VPS16: variants seen among roughly 807,000 people sequenced by gnomAD.
VPS16 encodes the protein VPS16 core subunit of CORVET and HOPS complexes.
Under a neutral mutation model 116.0 loss-of-function variants are expected in VPS16, and 82 were observed. The ratio of observed to expected loss-of-function variants is 0.71; its 90% CI spans 0.59 to 0.85. The LOEUF is 0.85. Ranked by LOEUF, VPS16 falls within the 40% of genes least tolerant of loss-of-function variation. The pLI, the probability that VPS16 is intolerant of heterozygous loss-of-function variation, is 0.00. For synonymous variants in VPS16, 406 were observed against 420.7 expected (o/e 0.96, Z 0.43); for missense variants, 928 against 1,090.6 (o/e 0.85, Z 2.10).
rs182278736 is a variant in VPS16, at chr20:2,866,078, G to A, written c.2272-134G>A. The stretch of plus-strand genomic sequence containing the variant: ...CAACTGTCTGTGCATGGGGGTTGGG[G>A]GATTATATGTACTGACGGGTGTATA... On this transcript the variant is annotated intron_variant, in intron 22 of 23. Transcript: ENST00000380445. The A allele has an allele frequency of 6.1e-5, 46 of 756,244 alleles. No homozygotes were observed. In the East Asian group the frequency reaches 1.2e-3, roughly 20 times the overall value. 46.8% of individuals were successfully genotyped at this position (756,244 alleles called of 1,614,324 possible).
Position 2,864,829 on chromosome 20 carries a change from C to T in VPS16, c.1927-149C>T. 2 of 1,180,418 alleles carry T rather than the reference C, an allele frequency of 1.7e-6. No individual in the cohort carries two copies. Among genetic ancestry groups the T allele is most frequent in the South Asian group, 1.3e-5 (1 of 74,256 alleles). The allele number at this position is 1,180,418 out of a possible 1,614,324, so 73.1% of individuals were successfully genotyped here. ...GGTTAGTGTCAGAGGAGCTAGCCAT[C>T]CCTCTAGGACATCAGAGTGGTGCAC... On this transcript the variant is annotated intron_variant, in intron 19 of 23. Coordinates refer to ENST00000380445, the MANE Select transcript of VPS16 (RefSeq NM_022575.4). This position sits in a 1 kb window ranked among gnomAD's most constrained non-coding sequence, Gnocchi z 5.2.
At chr20:2,853,763 C>T (rs868028967) in intron 1 of VPS16, among the ~76,000 whole-genome samples, 4 of 152,070 alleles carry the variant, frequency 2.6e-5, no homozygotes, top group African/African-American at 9.7e-5. Flanking sequence ...ACCTCCGTCT[C>T]CCGGGTTCAA....
At position 2,861,944 on chromosome 20, in the gene VPS16, C is replaced by T. The variant is rs1404145507; in HGVS notation, c.994+45C>T. 3 of 1,607,422 alleles carry T rather than the reference C, an allele frequency of 1.9e-6. No individual in the cohort carries two copies. In the Admixed American group the frequency reaches 5.1e-5, roughly 27 times the overall value. Reference sequence around the variant, plus strand: ...ACCACATAACCCAAGGTGGGGACTCCTCGGCACCCCAGCTGCCCTGGGCCA... The same window carrying T: ...ACCACATAACCCAAGGTGGGGACTCTTCGGCACCCCAGCTGCCCTGGGCCA... On this transcript the variant is annotated intron_variant, in intron 10 of 23. Transcript: ENST00000380445.
rs150363426 is a variant in VPS16 at position 2,854,238 on chromosome 20, T to TACACACACACACACACACACACACACAC, written c.54-5454_54-5453insCACACACACACACACACACACACACACA. ...AGCCTGGCAACAGAGACCCCGTCTC[T>TACACACACACACACACACACACACACAC]ACACACACACACACACACACACACA... On this transcript the variant is annotated intron_variant, in intron 1 of 23. Coordinates refer to ENST00000380445, the MANE Select transcript of VPS16 (RefSeq NM_022575.4). 2.4e-3 allele frequency among the ~76,000 whole-genome samples: 330 copies of TACACACACACACACACACACACACACAC among 139,878 alleles called. 1 individual carries two copies. Among genetic ancestry groups the TACACACACACACACACACACACACACAC allele is most frequent in the African/African-American group, 4.5e-3 (157 of 35,268 alleles). 91.8% of individuals were successfully genotyped at this position (139,878 alleles called of 152,430 possible). A position where few individuals can be genotyped will look rare whatever the true frequency, so the allele number is the denominator to read the frequency against.
chr20:2,842,492 A>G (rs2088988629), intron 1 of VPS16, among the ~76,000 whole-genome samples: 1 of 151,704 alleles, frequency 6.6e-6, no homozygotes, highest in Non-Finnish European at 1.5e-5. Context: ...TTGTAATCCC[A>G]GCTACTTGGG....
Position 2,864,605 on chromosome 20 carries a change from A to G in VPS16, c.1877A>G (p.His626Arg). ...LKDLYNQDDN[H>R]QELGSFHIRA... ...GACCTTTACAATCAGGATGACAATC[A>G]CCAGGAATTGGGCAGCTTCCACATC... Residue 626 changes from histidine to arginine, a missense_variant, in exon 19 of 24, where the codon CAC becomes CGC. Physicochemically the swap from His to Arg is conservative, Grantham distance 29. Coordinates refer to ENST00000380445, the MANE Select transcript of VPS16 (RefSeq NM_022575.4). This position sits in a 1 kb window ranked among gnomAD's most constrained non-coding sequence, Gnocchi z 5.2. 1 of 1,614,130 alleles carries G rather than the reference A, an allele frequency of 6.2e-7. No individual in the cohort carries two copies. The highest frequency in any genetic ancestry group is 8.5e-7 in the Non-Finnish European group (1 of 1,180,020).
In VPS16 at chr20:2,865,587, A is replaced by G. The variant is rs1455949822; in HGVS notation, c.2271+92A>G. 5.2e-5 allele frequency: 62 copies of G among 1,197,510 alleles called. No homozygotes were observed. The highest frequency in any genetic ancestry group is 7.1e-5 in the Non-Finnish European group (60 of 847,616). The allele number at this position is 1,197,510 out of a possible 1,614,324, so 74.2% of individuals were successfully genotyped here. On this transcript the variant is annotated intron_variant, in intron 22 of 23. Transcript: ENST00000380445. The surrounding 1 kb of genome is among the most constrained non-coding windows in gnomAD (Gnocchi z 5.2). Reference sequence around the variant, plus strand: ...GGGAGACAGATAGGATGGCCCGTTCATGCTCCTGTTCAGCTGCCCGCATAG... The same window carrying G: ...GGGAGACAGATAGGATGGCCCGTTCGTGCTCCTGTTCAGCTGCCCGCATAG...
At position 2,863,810 on chromosome 20, in the gene VPS16, G is replaced by C; in HGVS notation, c.1477-139G>C. On this transcript the variant is annotated intron_variant, in intron 15 of 23. Coordinates refer to ENST00000380445, the MANE Select transcript of VPS16 (RefSeq NM_022575.4). The surrounding 1 kb of genome is among the most constrained non-coding windows in gnomAD (Gnocchi z 4.4). ...GGGCGGAGGAGGAGGGAAAGAGAGA[G>C]AAAGAAGAAAGAGAGAAAGAAAGAA... 4 of 1,214,216 alleles carry C rather than the reference G, an allele frequency of 3.3e-6. No individual in the cohort carries two copies. The highest frequency in any genetic ancestry group is 4.4e-6 in the Non-Finnish European group (4 of 905,554). The allele number at this position is 1,214,216 out of a possible 1,614,324, so 75.2% of individuals were successfully genotyped here.
chr20:2,855,409 G>T (rs1297598354), intron 1 of VPS16, among the ~76,000 whole-genome samples: 1 of 151,974 alleles, frequency 6.6e-6, no homozygotes, highest in East Asian at 1.9e-4. Context: ...AGATAGAGTA[G>T]ATTTAGCATA....
intron 1 of VPS16, among the ~76,000 whole-genome samples, chr20:2,843,103 C>G (rs1043847679): frequency 4.6e-5 from 7 of 152,158 alleles, no homozygotes; most frequent in Non-Finnish European, 1.0e-4. Context: ...AGACCTGTTG[C>G]ATTTGTTGTT....
chr20:2,845,494 TG>T (rs1442063366), intron 1 of VPS16, among the ~76,000 whole-genome samples: 6 of 152,134 alleles, frequency 3.9e-5, no homozygotes, highest in Non-Finnish European at 5.9e-5. Flanking sequence ...TGTTTCATTT[TG>T]TTTTTTTGAT....
chr20:2,852,065 T>C (rs2089128054), intron 1 of VPS16, among the ~76,000 whole-genome samples: 1 of 152,128 alleles, frequency 6.6e-6, no homozygotes, highest in Admixed American at 6.6e-5. Flanking sequence ...CATCTTGGTA[T>C]AGAGAGGAAG....
rs769591659 is a variant in VPS16, at chr20:2,863,115, A to G, written c.1367+15A>G. On this transcript the variant is annotated intron_variant, in intron 14 of 23. Coordinates refer to ENST00000380445, the MANE Select transcript of VPS16 (RefSeq NM_022575.4). The surrounding 1 kb of genome is among the most constrained non-coding windows in gnomAD (Gnocchi z 4.4). ...CTGCTGGACAGGTAGGGTAAGCCCA[A>G]GGGTGCAGTGAGCGGGCTGTCAGGG... The G allele has an allele frequency of 6.6e-5, 106 of 1,613,732 alleles. 2 individuals are homozygous for G. The South Asian group carries it at 1.0e-3, about 15-fold the overall frequency.
chr20:2,863,976 G>A lies in VPS16; in HGVS notation c.1504G>A (p.Asp502Asn), dbSNP rs1262914352. The part of the protein sequence containing the change: ...KVQQKDVSDE[D>N]VARAINQKLG... The stretch of plus-strand genomic sequence containing the variant: ...GCAACAGAAGGATGTCTCAGATGAG[G>A]ATGTGGCTCGAGCCATTAACCAGAA... The change falls in exon 16 of 24, where the codon GAT (aspartate) becomes AAT (asparagine). Residue 502 changes from aspartate (D) to asparagine (N), a missense_variant. Physicochemically the swap from Asp to Asn is conservative, Grantham distance 23. Transcript: ENST00000380445. This position sits in a 1 kb window ranked among gnomAD's most constrained non-coding sequence, Gnocchi z 4.4. 1 of 1,613,380 alleles carries A rather than the reference G, an allele frequency of 6.2e-7. No homozygotes were observed. The highest frequency in any genetic ancestry group is 1.3e-5 in the African/African-American group (1 of 74,912).
intron 11 of VPS16, 139 bp downstream of exon 11, chr20:2,862,269 A>G (rs2089237850): frequency 9.0e-7 from 1 of 1,111,306 alleles, no homozygotes; most frequent in African/African-American, 1.6e-5. Flanking sequence ...GGGCTGGCTC[A>G]TGTAAACTGA....
rs568580829 is a variant in VPS16, at chr20:2,864,482, T to A, written c.1818+20T>A. On this transcript the variant is annotated intron_variant, in intron 18 of 23. Transcript: ENST00000380445. The surrounding 1 kb of genome is among the most constrained non-coding windows in gnomAD (Gnocchi z 5.2). ...CGACAGGTGTGTGTAGTGGGCAGGGTTGTGGTGTAGCCTTCTGAGCACTTG... is the reference window on the plus strand; with the variant it reads ...CGACAGGTGTGTGTAGTGGGCAGGGATGTGGTGTAGCCTTCTGAGCACTTG... The A allele has an allele frequency of 1.2e-5, 20 of 1,613,876 alleles. No individual in the cohort carries two copies. The highest frequency in any genetic ancestry group is 8.9e-5 in the East Asian group (4 of 44,870).
chr20:2,857,098 C>T (rs1037727633), intron 1 of VPS16, among the ~76,000 whole-genome samples: 6 of 152,076 alleles, frequency 3.9e-5, no homozygotes, highest in Non-Finnish European at 8.8e-5. Flanking sequence ...ATGCCTCAGC[C>T]TCCTGACTAG....
rs776754304 is a variant in VPS16, at chr20:2,861,854, C to G, written c.949C>G (p.Arg317Gly). Reference protein sequence around the residue: ...SYLVPELDGVRIFSRSTHEFL... With the variant: ...SYLVPELDGVGIFSRSTHEFL... The stretch of plus-strand genomic sequence containing the variant: ...CCTGGTGCCTGAGCTCGATGGGGTC[C>G]GCATCTTCTCCCGCAGCACCCACGA... Residue 317 changes from arginine (R) to glycine (G), a missense_variant, in exon 10 of 24, where the codon CGC (arginine) becomes GGC (glycine). Physicochemically the swap from Arg to Gly is moderately radical, Grantham distance 125. Coordinates refer to ENST00000380445, the MANE Select transcript of VPS16 (RefSeq NM_022575.4). The G allele has an allele frequency of 6.2e-7, 1 of 1,613,924 alleles. No homozygotes were observed. Among genetic ancestry groups the G allele is most frequent in the Non-Finnish European group, 8.5e-7 (1 of 1,179,958 alleles).
Position 2,865,417 on chromosome 20 carries a change from G to T in VPS16, c.2193G>T (p.Leu731=), listed in dbSNP as rs1568630979. The T allele has an allele frequency of 1.2e-6, 2 of 1,614,050 alleles. No homozygotes were observed. The highest frequency in any genetic ancestry group is 2.2e-5 in the East Asian group (1 of 44,894). ...CCTGCAGGCTCTGGTGGCTGAAGCT[G>T]ACTGCCCTGGCAGATTTGGAAGATT... ...IPDKRLWWLK[L]TALADLEDWE... The change falls in exon 22 of 24, where the codon CTG becomes CTT. Residue 731 remains leucine (L), a synonymous_variant. Coordinates refer to ENST00000380445, the MANE Select transcript of VPS16 (RefSeq NM_022575.4). The surrounding 1 kb of genome is among the most constrained non-coding windows in gnomAD (Gnocchi z 5.2).
Sources: allele counts gnomAD v4.1 joint callset (sites outside exome capture counted in the v4.1 genomes callset), GRCh38; gene constraint gnomAD v4.1.1; non-coding constraint Gnocchi (gnomAD v3.1); transcripts MANE v1.5; gene names NCBI Gene and HGNC (gene_info 2026-07-23, HGNC 2026-07-21).